The following EFCAB10 variants were observed in gnomAD, a reference collection of about 807,000 sequenced individuals.
EFCAB10 encodes EF-hand calcium-binding domain-containing protein 10.
Under a neutral mutation model 7.7 loss-of-function variants are expected in EFCAB10, and 7 were observed. That is an observed-to-expected ratio of 0.91 (90% CI 0.52 to 1.72). The LOEUF (loss-of-function observed/expected upper bound fraction) is 1.72, where lower values mean the gene tolerates loss of function less well. Among genes scored for constraint, EFCAB10 ranks in the 40% most tolerant of loss-of-function variants. The pLI is 0.00. For synonymous variants in EFCAB10, 52 were observed against 21.0 expected (o/e 2.47, Z -4.03); for missense variants, 112 against 61.5 (o/e 1.82, Z -2.74).
At chr7:105,570,318 T>C (rs543688134) in intron 1 of EFCAB10, among the ~76,000 whole-genome samples, 1 of 128,102 alleles carries the variant, frequency 7.8e-6, no homozygotes, top group African/African-American at 2.9e-5. Flanking sequence ...TATATATAAA[T>C]ATAATAAAAA....
intron 1 of EFCAB10, among the ~76,000 whole-genome samples, chr7:105,574,328 A>G (rs1792020006): frequency 1.3e-5 from 2 of 151,932 alleles, no homozygotes; most frequent in African/African-American, 4.8e-5. Flanking sequence ...CTGCTGATAA[A>G]GACATACGTG....
At chr7:105,570,268 T>TATATATATATACAC (rs1188257284) in intron 1 of EFCAB10, among the ~76,000 whole-genome samples, 1 of 66,458 alleles carries the variant, frequency 1.5e-5, no homozygotes, top group African/African-American at 6.3e-5. Context: ...TATATATATA[T>TATATATATATACAC]ACACACACAC....
At chr7:105,565,529 G>A (rs755009395) in intron 4 of EFCAB10, 82 bp from the exon 5 acceptor site, 1 of 1,611,598 alleles carries the variant, frequency 6.2e-7, no homozygotes, top group African/African-American at 1.3e-5. Context: ...CTTTGTTTCA[G>A]ATAATTCTTG....
intron 1 of EFCAB10, among the ~76,000 whole-genome samples, chr7:105,576,847 A>G (rs1432221439): frequency 6.6e-6 from 1 of 152,182 alleles, no homozygotes; most frequent in Admixed American, 6.5e-5. Flanking sequence ...TGAGGTCAGG[A>G]GTTCGAGACC....
chr7:105,567,573 C>CAA (rs3835193), intron 3 of EFCAB10, 83 bp from the exon 4 acceptor site: 167,292 of 629,522 alleles, frequency 0.27, 23,878 homozygotes, highest in African/African-American at 0.44. Context: ...CTGTTGAAGA[C>CAA]GAGCAGAGAT....
At chr7:105,569,126 C>T (rs1167420363) in intron 3 of EFCAB10, 77 bp downstream of exon 3, 6 of 675,290 alleles carry the variant, frequency 8.9e-6, no homozygotes, top group African/African-American at 1.8e-5. Flanking sequence ...AAGATAGGAA[C>T]CTGTTTTAAA....
At chr7:105,569,074 C>T in intron 3 of EFCAB10, 129 bp downstream of exon 3, 1 of 627,058 alleles carries the variant, frequency 1.6e-6, no homozygotes, top group Non-Finnish European at 2.8e-6. Context: ...CCTCACTTTC[C>T]AGTCAGCTGA....
chr7:105,567,332 C>A, intron 4 of EFCAB10, 135 bp downstream of exon 4: 3 of 1,543,356 alleles, frequency 1.9e-6, no homozygotes, highest in South Asian at 1.2e-5. Context: ...AAAAAGGTTT[C>A]TTTGGTTTTT....
chr7:105,579,999 T>TA (rs1244100789), intron 1 of EFCAB10, among the ~76,000 whole-genome samples: 1 of 151,476 alleles, frequency 6.6e-6, no homozygotes, highest in Non-Finnish European at 1.5e-5. Context: ...TCTTTATTTT[T>TA]AGTTTTTTTT....
chr7:105,568,182 T>C (rs1210270278), intron 3 of EFCAB10, among the ~76,000 whole-genome samples: 3 of 152,172 alleles, frequency 2.0e-5, no homozygotes, highest in Non-Finnish European at 4.4e-5. Flanking sequence ...TGGTAGGGAA[T>C]GTAATTAAAC....
intron 1 of EFCAB10, among the ~76,000 whole-genome samples, chr7:105,573,818 G>A (rs765705369): frequency 2.0e-5 from 3 of 152,080 alleles, no homozygotes; most frequent in Non-Finnish European, 2.9e-5. Context: ...CAGGCAATGT[G>A]CTTCTAAAGC....
At chr7:105,577,927 G>C (rs1054951552) in intron 1 of EFCAB10, among the ~76,000 whole-genome samples, 1 of 152,042 alleles carries the variant, frequency 6.6e-6, no homozygotes, top group Non-Finnish European at 1.5e-5. Flanking sequence ...ACCATATCTG[G>C]ATAATTTTGT....
intron 4 of EFCAB10, chr7:105,567,024 G>A: frequency 1.6e-6 from 1 of 639,944 alleles, no homozygotes; most frequent in Non-Finnish European, 2.5e-6. Flanking sequence ...ATGTGGACCA[G>A]CAGTGCAGAG....
At chr7:105,572,629 A>C (rs1327593564) in intron 1 of EFCAB10, 1 of 152,248 alleles carries the variant, frequency 6.6e-6, no homozygotes, top group East Asian at 1.9e-4. Context: ...ACTAATTCAC[A>C]ATCCCACCGG....
At chr7:105,567,009 A>G in intron 4 of EFCAB10, 1 of 547,090 alleles carries the variant, frequency 1.8e-6, no homozygotes, top group Non-Finnish European at 3.0e-6. Context: ...ATTTTTATAG[A>G]GAACATGTGG....
rs749732262 is a variant in EFCAB10 at position 105,567,153 on chromosome 7, G to A, written c.383+314C>T. On this transcript the variant is annotated intron_variant, in intron 4 of 4. Transcript: ENST00000480514. ...AGCCTGTATTGTTTTGAATTTGAAC[G>A]TCGGTTCTGCACTACTGCTGAAAGA... The A allele has an allele frequency of 3.3e-5, 53 of 1,584,622 alleles. No individual in the cohort carries two copies. Among genetic ancestry groups the A allele is most frequent in the Middle Eastern group, 1.7e-4 (1 of 5,962 alleles).
chr7:105,577,600 C>G (rs1261752471), intron 1 of EFCAB10, among the ~76,000 whole-genome samples: 3 of 152,050 alleles, frequency 2.0e-5, no homozygotes, highest in Non-Finnish European at 2.9e-5. Context: ...TTGAGATGCT[C>G]AGAGACTATC....
intron 1 of EFCAB10, among the ~76,000 whole-genome samples, chr7:105,578,387 G>A (rs143213186): frequency 1.1e-4 from 16 of 152,236 alleles, no homozygotes; most frequent in African/African-American, 3.4e-4. Flanking sequence ...ATATCAAGAT[G>A]TAAAGTAAAT....
At position 105,580,861 on chromosome 7, in the gene EFCAB10, A is replaced by C. The variant is rs181524031; in HGVS notation, c.106+497T>G. On this transcript the variant is annotated intron_variant, in intron 1 of 4. Transcript: ENST00000480514. ...GTAGGGGGTTCAGATGTGTAAAAAA[A>C]GTCAGGAAAAGCGATCCCCTCTAGA... Among the ~76,000 whole-genome samples the C allele has an allele frequency of 1.8e-4, 28 of 152,306 alleles. No homozygotes were observed. In the East Asian group the frequency reaches 5.0e-3, roughly 27 times the overall value.
Sources: gnomAD v4.1 joint callset for allele counts (sites outside exome capture counted in the v4.1 genomes callset) on GRCh38, gnomAD v4.1.1 for gene constraint, MANE v1.5 for transcripts, NCBI Gene and HGNC (gene_info 2026-07-23, HGNC 2026-07-21) for gene names.